The following RNF217 variants were observed in gnomAD, a reference collection of about 807,000 sequenced individuals.
RNF217 encodes E3 ubiquitin-protein ligase RNF217.
A neutral mutation model predicts 57.8 loss-of-function variants in RNF217; 31 were observed. That is an observed-to-expected ratio of 0.54 (90% CI 0.40 to 0.72). RNF217 has a LOEUF of 0.72. RNF217 is among the 30% of genes least tolerant of loss of function. The pLI is 0.00. For missense variants in RNF217, 696 were observed against 708.3 expected (o/e 0.98, Z 0.20); for synonymous variants, 313 against 294.0 (o/e 1.06, Z -0.66).
intron 1 of RNF217, among the ~76,000 whole-genome samples, chr6:124,999,148 A>G (rs1410594447): frequency 6.6e-6 from 1 of 152,246 alleles, no homozygotes; most frequent in Non-Finnish European, 1.5e-5. Flanking sequence ...ACTGAAGACA[A>G]ACAAGGCCTA....
intron 1 of RNF217, among the ~76,000 whole-genome samples, chr6:125,022,502 T>C (rs1785882787): frequency 6.6e-6 from 1 of 152,200 alleles, no homozygotes; most frequent in African/African-American, 2.4e-5. Flanking sequence ...CTCTGCCCTT[T>C]TTCTTTCAAT....
intron 1 of RNF217, among the ~76,000 whole-genome samples, chr6:125,039,375 G>A (rs1279556452): frequency 6.6e-6 from 1 of 151,946 alleles, no homozygotes; most frequent in Non-Finnish European, 1.5e-5. Context: ...AGTGGTAAAG[G>A]GATCAACACA....
At position 125,045,431 on chromosome 6, in the gene RNF217, A is replaced by G; in HGVS notation, c.1103A>G (p.Glu368Gly). 3 of 1,612,082 alleles carry G rather than the reference A, an allele frequency of 1.9e-6. No individual in the cohort carries two copies. The highest frequency in any genetic ancestry group is 2.5e-6 in the Non-Finnish European group (3 of 1,178,952). ...CATATTCCCACCCCTTCCAGATCAG[A>G]AAGCAAATACAAAGTAAGCATTTTC... ...KGHIPTPSRS[E>G]SKYKIQCPTC... Residue 368 changes from glutamate to glycine, a missense_variant, in exon 2 of 6, where the codon GAA becomes GGA. This residue lies in a region of RNF217 where 231 missense variants were observed against 321.4 expected (regional missense o/e 0.72). Transcript: ENST00000521654.
At chr6:125,038,274 C>T (rs1298206436) in intron 1 of RNF217, among the ~76,000 whole-genome samples, 1 of 152,040 alleles carries the variant, frequency 6.6e-6, no homozygotes, top group East Asian at 1.9e-4. Flanking sequence ...TCTTTAAGTA[C>T]ATTAAGTAGA....
At chr6:125,038,863 G>A (rs1261863694) in intron 1 of RNF217, among the ~76,000 whole-genome samples, 1 of 151,976 alleles carries the variant, frequency 6.6e-6, no homozygotes, top group South Asian at 2.1e-4. Context: ...TGATACATAT[G>A]CAGGATGTGT....
At chr6:125,056,716 G>A (rs1171857802) in intron 2 of RNF217, among the ~76,000 whole-genome samples, 5 of 152,144 alleles carry the variant, frequency 3.3e-5, no homozygotes, top group African/African-American at 4.8e-5. Flanking sequence ...TGACATAGAG[G>A]AGCAAAGAGA....
At chr6:124,988,598 A>G (rs768044617) in intron 1 of RNF217, among the ~76,000 whole-genome samples, 26 of 152,362 alleles carry the variant, frequency 1.7e-4, no homozygotes, top group Middle Eastern at 3.4e-3. Context: ...CTAGCTTTTT[A>G]AATTTGTCAA....
intron 2 of RNF217, among the ~76,000 whole-genome samples, chr6:125,049,246 A>G (rs183568731): frequency 6.6e-6 from 1 of 152,148 alleles, no homozygotes; most frequent in East Asian, 1.9e-4. Flanking sequence ...CACATCACCC[A>G]CACCCAAAGC....
At chr6:124,978,236 A>G (rs554957198) in intron 1 of RNF217, among the ~76,000 whole-genome samples, 29 of 152,146 alleles carry the variant, frequency 1.9e-4, no homozygotes, top group African/African-American at 6.5e-4. Flanking sequence ...CTGCTTCACC[A>G]GTCAGAAATC....
At position 125,084,186 on chromosome 6, in the gene RNF217, A is replaced by G. The variant is rs1461566810; in HGVS notation, c.*1249A>G. Reference sequence around the variant, plus strand: ...TTTTCTTACATTTAACTGCTCAAACATAATATTTTTGGGGACACCTTCTTA... The same window carrying G: ...TTTTCTTACATTTAACTGCTCAAACGTAATATTTTTGGGGACACCTTCTTA... On this transcript the variant is annotated 3_prime_UTR_variant, in exon 6 of 6. Coordinates refer to ENST00000521654, the MANE Select transcript of RNF217 (RefSeq NM_001286398.3). 6.6e-6 allele frequency: 1 copy of G among 152,054 alleles called. No individual in the cohort carries two copies. The highest frequency in any genetic ancestry group is 1.5e-5 in the Non-Finnish European group (1 of 67,940). 9.4% of individuals were successfully genotyped at this position (152,054 alleles called of 1,614,324 possible).
intron 2 of RNF217, among the ~76,000 whole-genome samples, chr6:125,049,225 C>T (rs1787214891): frequency 6.6e-6 from 1 of 151,966 alleles, no homozygotes; most frequent in Non-Finnish European, 1.5e-5. Flanking sequence ...TATGTTATGC[C>T]TGGAGATAGA....
intron 1 of RNF217, among the ~76,000 whole-genome samples, chr6:125,018,456 A>C (rs1350099242): frequency 6.6e-6 from 1 of 152,174 alleles, no homozygotes; most frequent in African/African-American, 2.4e-5. Context: ...AAAACATAGC[A>C]TCTTGTTTGT....
At chr6:125,053,037 G>T (rs1371701020) in intron 2 of RNF217, among the ~76,000 whole-genome samples, 1 of 152,048 alleles carries the variant, frequency 6.6e-6, no homozygotes, top group East Asian at 1.9e-4. Flanking sequence ...AATATATCAT[G>T]TGCTCTTGGG....
At chr6:125,066,321 A>C (rs965892560) in intron 3 of RNF217, among the ~76,000 whole-genome samples, 1 of 152,148 alleles carries the variant, frequency 6.6e-6, no homozygotes, top group Non-Finnish European at 1.5e-5. Context: ...CACAGAGCAA[A>C]AGTTAGTTCT....
rs1285739626 is a variant in RNF217 at position 125,089,771 on chromosome 6, A to C, written c.*6834A>C. The C allele has an allele frequency of 2.0e-5, 3 of 152,126 alleles. No homozygotes were observed. Among genetic ancestry groups the C allele is most frequent in the African/African-American group, 7.2e-5 (3 of 41,432 alleles). 9.4% of individuals were successfully genotyped at this position (152,126 alleles called of 1,614,324 possible). A position where few individuals can be genotyped will look rare whatever the true frequency, so the allele number is the denominator to read the frequency against. On this transcript the variant is annotated 3_prime_UTR_variant, in exon 6 of 6. Coordinates refer to ENST00000521654, the MANE Select transcript of RNF217 (RefSeq NM_001286398.3). ...TTCTCTGCGAATCTGTGATGTGTTCACTTCGCCATGCCCCAGCTTGGGAAA... is the reference window on the plus strand; with the variant it reads ...TTCTCTGCGAATCTGTGATGTGTTCCCTTCGCCATGCCCCAGCTTGGGAAA...
intron 5 of RNF217, among the ~76,000 whole-genome samples, chr6:125,081,753 C>T (rs192118710): frequency 6.6e-6 from 1 of 152,092 alleles, no homozygotes; most frequent in East Asian, 1.9e-4. Context: ...ATTATTAACC[C>T]TTTTATAACA....
intron 4 of RNF217, 46 bp downstream of exon 4, chr6:125,076,904 A>G (rs1418536172): frequency 2.6e-6 from 4 of 1,524,064 alleles, no homozygotes; most frequent in Non-Finnish European, 3.6e-6. Flanking sequence ...GGAATTAAGT[A>G]GTGAAAATAG....
At chr6:124,969,886 GAT>G (rs1783697148) in intron 1 of RNF217, among the ~76,000 whole-genome samples, 1 of 151,506 alleles carries the variant, frequency 6.6e-6, no homozygotes, top group South Asian at 2.1e-4. Flanking sequence ...TGTCATGGAG[GAT>G]ATGTTTTACG....
At position 124,962,795 on chromosome 6, in the gene RNF217, C is replaced by A. The variant is rs1346614889; in HGVS notation, c.251C>A (p.Pro84Gln). 6.3e-7 allele frequency: 1 copy of A among 1,597,286 alleles called. No individual in the cohort carries two copies. The highest frequency in any genetic ancestry group is 1.7e-5 in the Admixed American group (1 of 59,998). ...GPPGWSKSRA[P>Q]AQPAGLALTG... is the part of the protein sequence containing the mutation. ...CCGGGCTGGAGTAAGAGCCGAGCAC[C>A]GGCGCAGCCTGCGGGACTGGCACTC... Residue 84 changes from proline (P) to glutamine (Q), a missense_variant, in exon 1 of 6, where the codon CCG becomes CAG. Pro to Gln is a moderately conservative substitution (Grantham distance 76, BLOSUM62 -1). Transcript: ENST00000521654. The surrounding 1 kb of genome is among the most constrained non-coding windows in gnomAD (Gnocchi z 4.6).
Sources: gnomAD v4.1 joint callset for allele counts (sites outside exome capture counted in the v4.1 genomes callset) on GRCh38, gnomAD v4.1.1 for gene constraint, gnomAD v4.1.1 regional missense constraint, Gnocchi (gnomAD v3.1) non-coding constraint, MANE v1.5 for transcripts, NCBI Gene and HGNC (gene_info 2026-07-23, HGNC 2026-07-21) for gene names.